The following LRP1B variants were observed in gnomAD, a reference collection of about 807,000 sequenced individuals.
LRP1B encodes LDL receptor related protein 1B.
Under a neutral mutation model 556.6 loss-of-function variants are expected in LRP1B, and 217 were observed. The observed-to-expected ratio is 0.39, with a 90% CI of 0.35 to 0.44. LRP1B has a LOEUF of 0.44. Ranked by LOEUF, LRP1B falls within the 20% of genes least tolerant of loss-of-function variation. LRP1B has a pLI of 1.00. For synonymous variants in LRP1B, 2,047 were observed against 1,865.8 expected (o/e 1.10, Z -2.50); for missense variants, 5,053 against 5,620.8 (o/e 0.90, Z 3.23).
intron 7 of LRP1B, among the ~76,000 whole-genome samples, chr2:141,121,478 A>G (rs1238696926): frequency 6.6e-6 from 1 of 152,110 alleles, no homozygotes; most frequent in Non-Finnish European, 1.5e-5. Flanking sequence ...GAGCCAAATC[A>G]TGAGTGAACT....
intron 37 of LRP1B, among the ~76,000 whole-genome samples, chr2:140,707,185 T>C (rs181555097): frequency 1.3e-5 from 2 of 152,256 alleles, no homozygotes; most frequent in African/African-American, 4.8e-5. Flanking sequence ...TTCCTACTTT[T>C]CTGGCTTCCC....
chr2:140,562,027 AACCCTG>A (rs1195445631), intron 43 of LRP1B, among the ~76,000 whole-genome samples: 1 of 152,140 alleles, frequency 6.6e-6, no homozygotes, highest in African/African-American at 2.4e-5. Flanking sequence ...GACAAAATTT[AACCCTG>A]ATTCATGAGA....
At chr2:141,137,405 A>T (rs547599011) in intron 7 of LRP1B, among the ~76,000 whole-genome samples, 36 of 151,984 alleles carry the variant, frequency 2.4e-4, no homozygotes, top group African/African-American at 8.7e-4. Flanking sequence ...TGATCTCTTG[A>T]TAAGATTCAA....
intron 89 of LRP1B, among the ~76,000 whole-genome samples, chr2:140,236,985 T>C (rs552651298): frequency 6.6e-6 from 1 of 151,150 alleles, no homozygotes; most frequent in Non-Finnish European, 1.5e-5. Flanking sequence ...GTATTTAGCA[T>C]ATCTATCACC....
chr2:140,866,660 T>G (rs1692961867), intron 27 of LRP1B, among the ~76,000 whole-genome samples: 1 of 152,090 alleles, frequency 6.6e-6, no homozygotes, highest in African/African-American at 2.4e-5. Flanking sequence ...CAGAAAATTT[T>G]GCAGATGAGA....
chr2:141,025,029 T>C (rs1462812971), intron 11 of LRP1B, among the ~76,000 whole-genome samples: 2 of 152,114 alleles, frequency 1.3e-5, no homozygotes. Context: ...TGTCTTACTT[T>C]GAGACATGCA....
chr2:140,714,057 T>C (rs1048556307), intron 37 of LRP1B, among the ~76,000 whole-genome samples: 9 of 152,190 alleles, frequency 5.9e-5, no homozygotes, highest in African/African-American at 2.2e-4. Context: ...AAATAAGTCT[T>C]TACAAAGTGA....
chr2:141,495,337 C>T (rs996409441), intron 2 of LRP1B, among the ~76,000 whole-genome samples: 1 of 152,076 alleles, frequency 6.6e-6, no homozygotes. Flanking sequence ...TCTGCCCTTT[C>T]TGACCACTCA....
chr2:140,233,137 TA>T lies in LRP1B; in HGVS notation c.*48del. ...ATAATACTGTTGGAACATACAAAAGTAATCCTTATATTTTATACATTTATAC... is the reference window on the plus strand; with the variant it reads ...ATAATACTGTTGGAACATACAAAAGTATCCTTATATTTTATACATTTATAC... On this transcript the variant is annotated 3_prime_UTR_variant, in exon 91 of 91. Transcript: ENST00000389484. 1 of 1,246,436 alleles carries T rather than the reference TA, an allele frequency of 8.0e-7. No homozygotes were observed. The highest frequency in any genetic ancestry group is 1.1e-6 in the Non-Finnish European group (1 of 903,252). The allele number at this position is 1,246,436 out of a possible 1,614,324, so 77.2% of individuals were successfully genotyped here.
At chr2:140,517,301 A>G (rs1034094297) in intron 49 of LRP1B, among the ~76,000 whole-genome samples, 1 of 152,144 alleles carries the variant, frequency 6.6e-6, no homozygotes, top group Non-Finnish European at 1.5e-5. Context: ...AGTAGCACTT[A>G]GTTAATAAAC....
intron 2 of LRP1B, among the ~76,000 whole-genome samples, chr2:141,761,773 T>C (rs1454563712): frequency 6.6e-6 from 1 of 152,138 alleles, no homozygotes; most frequent in Non-Finnish European, 1.5e-5. Flanking sequence ...AGATAAGATA[T>C]CATCAAAAGG....
rs1280737455 is a variant in LRP1B at position 140,716,020 on chromosome 2, G to A, written c.5976C>T (p.Ser1992=). Residue 1992 remains serine (S), a synonymous_variant, in exon 37 of 91, where the codon TCC becomes TCT. Transcript: ENST00000389484. ...LNGSFRYVII[S]QGLDQPRSIA... is the part of the protein sequence containing the mutation. ...TAGATCTTGGTTGATCCAGGCCTTG[G>A]GAAATAATTACATAACGGAAAGAAC... 6.2e-7 allele frequency: 1 copy of A among 1,610,096 alleles called. No homozygotes were observed. Among genetic ancestry groups the A allele is most frequent in the South Asian group, 1.1e-5 (1 of 90,798 alleles).
intron 31 of LRP1B, among the ~76,000 whole-genome samples, chr2:140,836,742 T>C (rs1162873711): frequency 6.6e-6 from 1 of 152,062 alleles, no homozygotes; most frequent in African/African-American, 2.4e-5. Context: ...GGAGCATCCA[T>C]ATTTTGGAAG....
At chr2:141,811,349 C>T (rs1007055922) in intron 1 of LRP1B, among the ~76,000 whole-genome samples, 5 of 151,618 alleles carry the variant, frequency 3.3e-5, no homozygotes, top group South Asian at 2.1e-4. Flanking sequence ...AAATAGGTCT[C>T]GGTGAGCTCT....
At chr2:141,676,561 AG>A (rs1417869628) in intron 2 of LRP1B, among the ~76,000 whole-genome samples, 3 of 152,158 alleles carry the variant, frequency 2.0e-5, no homozygotes, top group Admixed American at 2.0e-4. Context: ...TATCATCAAA[AG>A]TTTCTTCATG....
In LRP1B at chr2:140,495,728, G is replaced by A. The variant is rs777324948; in HGVS notation, c.8871C>T (p.Phe2957=). The change falls in exon 56 of 91, where the codon TTC becomes TTT. Residue 2957 remains phenylalanine, a synonymous_variant. Transcript: ENST00000389484. ...VSYKCKCWPG[F]QLKDDGKTCV... is the part of the protein sequence containing the mutation. ...ATGTTTTGCCGTCATCCTTCAGTTG[G>A]AATCCAGGCCAGCATTTGCACTGGG... 1 of 1,609,224 alleles carries A rather than the reference G, an allele frequency of 6.2e-7. No homozygotes were observed. Among genetic ancestry groups the A allele is most frequent in the South Asian group, 1.1e-5 (1 of 90,946 alleles).
chr2:141,957,387 G>A (rs112698155), intron 1 of LRP1B, among the ~76,000 whole-genome samples: 1 of 117,666 alleles, frequency 8.5e-6, no homozygotes, highest in African/African-American at 3.1e-5. Context: ...TGTGTGTGGG[G>A]GGGGGGGGGC....
intron 3 of LRP1B, among the ~76,000 whole-genome samples, chr2:141,405,359 A>G (rs1188214307): frequency 6.6e-6 from 1 of 152,218 alleles, no homozygotes; most frequent in East Asian, 1.9e-4. Context: ...TTAATCAGAT[A>G]TTAAGGAAGC....
At chr2:141,908,772 G>A (rs1051998383) in intron 1 of LRP1B, among the ~76,000 whole-genome samples, 3 of 152,004 alleles carry the variant, frequency 2.0e-5, no homozygotes, top group Admixed American at 6.6e-5. Context: ...AACTGAAAGA[G>A]TCGTAATGAT....
Sources: allele counts gnomAD v4.1 joint callset (sites outside exome capture counted in the v4.1 genomes callset), GRCh38; gene constraint gnomAD v4.1.1; transcripts MANE v1.5; gene names NCBI Gene and HGNC (gene_info 2026-07-23, HGNC 2026-07-21).